ANKRD53: variants seen among roughly 807,000 people sequenced by gnomAD.
ANKRD53 encodes the protein ankyrin repeat domain-containing protein 53.
A neutral mutation model predicts 30.1 loss-of-function variants in ANKRD53; 27 were observed. That is an observed-to-expected ratio of 0.90 (90% CI 0.66 to 1.24). ANKRD53 has a LOEUF of 1.24. Among genes scored for constraint, ANKRD53 ranks in the 50% most tolerant of loss-of-function variants. The pLI, the probability that ANKRD53 is intolerant of heterozygous loss-of-function variation, is 0.00. For missense variants in ANKRD53, 682 were observed against 721.0 expected, an observed-to-expected ratio of 0.95 and a Z score of 0.62; for synonymous variants, 286 against 295.4, an observed-to-expected ratio of 0.97 and a Z score of 0.33.
Position 70,978,793 on chromosome 2 carries a change from G to A in ANKRD53, c.148G>A (p.Asp50Asn), listed in dbSNP as rs782777844. The change falls in exon 1 of 6, where the codon GAC becomes AAC. Residue 50 changes from aspartate (D) to asparagine (N), a missense_variant. Transcript: ENST00000360589. The surrounding 1 kb of genome is among the most constrained non-coding windows in gnomAD (Gnocchi z 4.3). ...NKVSLKATWTDAESKQPSQPL... is the reference protein window; with the variant it reads ...NKVSLKATWTNAESKQPSQPL... ...AGTCTCCTTGAAGGCCACCTGGACT[G>A]ACGCGGAGTCCAAGCAGCCCAGGTG... 36 of 1,571,170 alleles carry A rather than the reference G, an allele frequency of 2.3e-5. No homozygotes were observed. In the South Asian group the frequency reaches 4.2e-4, roughly 18 times the overall value.
chr2:70,985,162 G>T lies in ANKRD53; in HGVS notation c.1455G>T (p.Lys485Asn), dbSNP rs553757539. 4.5e-6 allele frequency: 7 copies of T among 1,551,264 alleles called. No individual in the cohort carries two copies. The African/African-American group carries it at 5.5e-5, about 12-fold the overall frequency. ...TCAGCATGAGGGAAGTGCCCAGGAA[G>T]CGGCACCTGGGTGACAACACCTTCT... is the stretch of plus-strand genomic sequence containing the variant. ...YPISMREVPRKRHLGDNTFWT... is the reference protein window; with the variant it reads ...YPISMREVPRNRHLGDNTFWT... Residue 485 changes from lysine (K) to asparagine (N), a missense_variant, in exon 6 of 6, where the codon AAG (lysine) becomes AAT (asparagine). Coordinates refer to ENST00000360589, the MANE Select transcript of ANKRD53 (RefSeq NM_001115116.2).
In ANKRD53 at chr2:70,982,781, G is replaced by A. The variant is rs915352448; in HGVS notation, c.903+84G>A. 5.0e-5 allele frequency: 77 copies of A among 1,552,094 alleles called. No individual in the cohort carries two copies. Among genetic ancestry groups the A allele is most frequent in the Admixed American group, 1.2e-4 (7 of 56,602 alleles). ...GGGCAGTGACCCACATATTGTGGAG[G>A]AGTGGCTAGAAGCACTCCCACCCTG... On this transcript the variant is annotated intron_variant, in intron 5 of 5. Transcript: ENST00000360589. The surrounding 1 kb of genome is among the most constrained non-coding windows in gnomAD (Gnocchi z 4.2).
rs1670035246 is a variant in ANKRD53 at position 70,982,252 on chromosome 2, A to T, written c.782+152A>T. Reference sequence around the variant, plus strand: ...CCTACTGCCCAGGATATTTTGGATGAGGCAATCACCTCATCACCTGGGCTT... The same window carrying T: ...CCTACTGCCCAGGATATTTTGGATGTGGCAATCACCTCATCACCTGGGCTT... On this transcript the variant is annotated intron_variant, in intron 4 of 5. Transcript: ENST00000360589. The surrounding 1 kb of genome is among the most constrained non-coding windows in gnomAD (Gnocchi z 4.2). 2 of 965,644 alleles carry T rather than the reference A, an allele frequency of 2.1e-6. No homozygotes were observed. Among genetic ancestry groups the T allele is most frequent in the African/African-American group, 3.3e-5 (2 of 60,264 alleles). 59.8% of individuals were successfully genotyped at this position (965,644 alleles called of 1,614,324 possible).
chr2:70,979,041 C>T, intron 1 of ANKRD53, 56 bp from the exon 2 acceptor site: 2 of 1,505,126 alleles, frequency 1.3e-6, no homozygotes, highest in Non-Finnish European at 1.8e-6. Flanking sequence ...GGATCGCCTC[C>T]CGAGAGGTGC....
At chr2:70,979,941 A>G in intron 3 of ANKRD53, 81 bp downstream of exon 3, 1 of 1,521,232 alleles carries the variant, frequency 6.6e-7, no homozygotes, top group Non-Finnish European at 9.0e-7. Context: ...AAATCCATGC[A>G]GGACAAGCAG....
chr2:70,981,995 G>T lies in ANKRD53; in HGVS notation c.677G>T (p.Cys226Phe). ...HLAARDGLLD[C>F]VKVLVQSGAN... Reference sequence around the variant, plus strand: ...GCAGCCCGTGACGGCTTGCTGGACTGTGTGAAGGTCCTGGTGCAGAGTGGC... The same window carrying T: ...GCAGCCCGTGACGGCTTGCTGGACTTTGTGAAGGTCCTGGTGCAGAGTGGC... Residue 226 changes from cysteine to phenylalanine, a missense_variant, in exon 4 of 6, where the codon TGT becomes TTT. Physicochemically the swap from Cys to Phe is radical, Grantham distance 205 (BLOSUM62 -2). Coordinates refer to ENST00000360589, the MANE Select transcript of ANKRD53 (RefSeq NM_001115116.2). The T allele has an allele frequency of 6.2e-7, 1 of 1,613,510 alleles. No individual in the cohort carries two copies. Among genetic ancestry groups the T allele is most frequent in the Admixed American group, 1.7e-5 (1 of 59,956 alleles).
chr2:70,982,283 T>TA lies in ANKRD53; in HGVS notation c.782+185dup. Reference sequence around the variant, plus strand: ...TCACCTCATCACCTGGGCTTGGGGGTAAGTCTGCCCAGGTCCCCTGCTCTC... The same window carrying TA: ...TCACCTCATCACCTGGGCTTGGGGGTAAAGTCTGCCCAGGTCCCCTGCTCTC... On this transcript the variant is annotated intron_variant, in intron 4 of 5. Coordinates refer to ENST00000360589, the MANE Select transcript of ANKRD53 (RefSeq NM_001115116.2). This position sits in a 1 kb window ranked among gnomAD's most constrained non-coding sequence, Gnocchi z 4.2. 1.2e-6 allele frequency: 1 copy of TA among 803,556 alleles called. No homozygotes were observed. The highest frequency in any genetic ancestry group is 2.0e-5 in the South Asian group (1 of 51,256). The allele number at this position is 803,556 out of a possible 1,614,324, so 49.8% of individuals were successfully genotyped here.
At chr2:70,979,449 TTTA>T (rs1157539023) in intron 2 of ANKRD53, 106 bp downstream of exon 2, 2 of 1,536,558 alleles carry the variant, frequency 1.3e-6, no homozygotes, top group Non-Finnish European at 1.8e-6. Flanking sequence ...ATCTTCCTAA[TTTA>T]ACTCATCTTC....
upstream of ANKRD53, chr2:70,978,532 G>T: frequency 7.8e-7 from 1 of 1,273,922 alleles, no homozygotes; most frequent in Non-Finnish European, 1.0e-6. The surrounding 1 kb of genome is among the most constrained non-coding windows in gnomAD (Gnocchi z 4.3). Context: ...AACCCTAGCG[G>T]CCTGGAAGGG....
At chr2:70,983,934 G>A (rs782365105) in intron 5 of ANKRD53, among the ~76,000 whole-genome samples, 4 of 152,154 alleles carry the variant, frequency 2.6e-5, no homozygotes, top group Non-Finnish European at 4.4e-5. Context: ...AGACAATGGC[G>A]GTGGGGGAGG....
intron 5 of ANKRD53, among the ~76,000 whole-genome samples, chr2:70,983,303 G>A (rs535139717): frequency 3.0e-4 from 46 of 152,272 alleles, no homozygotes; most frequent in African/African-American, 1.1e-3. Flanking sequence ...AAGAGCAGCC[G>A]CATGGAAAGG....
chr2:70,982,700 A>C lies in ANKRD53; in HGVS notation c.903+3A>C. The C allele has an allele frequency of 1.2e-6, 2 of 1,613,746 alleles. No homozygotes were observed. Among genetic ancestry groups the C allele is most frequent in the Non-Finnish European group, 1.7e-6 (2 of 1,179,798 alleles). ...ACAACTACCTGATTGAGTATCAAGT[A>C]AGGGGGACAGCAGGGGGGCCAGGGG... On this transcript the variant is annotated splice_donor_region_variant and intron_variant, in intron 5 of 5. Transcript: ENST00000360589. This position sits in a 1 kb window ranked among gnomAD's most constrained non-coding sequence, Gnocchi z 4.2.
chr2:70,979,445 C>G (rs1669934066), intron 2 of ANKRD53, 102 bp downstream of exon 2: 1 of 1,539,378 alleles, frequency 6.5e-7, no homozygotes, highest in African/African-American at 1.4e-5. Flanking sequence ...GTAGATCTTC[C>G]TAATTTAACT....
At position 70,979,298 on chromosome 2, in the gene ANKRD53, A is replaced by G; in HGVS notation, c.372A>G (p.Arg124=). ...AAAVGNVEWL[R]FCLNQSLREI... ...CTGTGGGCAACGTGGAATGGCTGCG[A>G]TTCTGTCTGAACCAGAGCCTCAGGG... The change falls in exon 2 of 6, where the codon CGA becomes CGG. Residue 124 remains arginine (R), a synonymous_variant. Transcript: ENST00000360589. The G allele has an allele frequency of 6.2e-7, 1 of 1,613,614 alleles. No individual in the cohort carries two copies. Among genetic ancestry groups the G allele is most frequent in the Non-Finnish European group, 8.5e-7 (1 of 1,180,040 alleles).
chr2:70,979,624 C>T (rs1553423152), intron 2 of ANKRD53, 37 bp from the exon 3 acceptor site: 1 of 1,593,980 alleles, frequency 6.3e-7, no homozygotes, highest in Admixed American at 1.7e-5. Flanking sequence ...GACCTCAGTC[C>T]CACTCAGCCT....
chr2:70,979,617 C>T (rs1553423150), intron 2 of ANKRD53, 44 bp from the exon 3 acceptor site: 5 of 1,566,716 alleles, frequency 3.2e-6, no homozygotes, highest in South Asian at 1.1e-5. Context: ...ACCCTGGGAC[C>T]TCAGTCCCAC....
At chr2:70,980,354 G>C (rs1000461676) in intron 3 of ANKRD53, among the ~76,000 whole-genome samples, 3 of 148,536 alleles carry the variant, frequency 2.0e-5, no homozygotes, top group Non-Finnish European at 4.4e-5. Context: ...GCCTTTAACA[G>C]ACCTAGTCTA....
chr2:70,980,413 C>T (rs1485016701), intron 3 of ANKRD53, among the ~76,000 whole-genome samples: 4 of 152,002 alleles, frequency 2.6e-5, no homozygotes, highest in Admixed American at 2.6e-4. Flanking sequence ...TTAGGCAAGT[C>T]ACTCAACCTC....
Position 70,978,720 on chromosome 2 carries a change from T to C in ANKRD53, c.75T>C (p.Gly25=), listed in dbSNP as rs782261549. Residue 25 remains glycine (G), a synonymous_variant, in exon 1 of 6, where the codon GGT becomes GGC. Transcript: ENST00000360589. This position sits in a 1 kb window ranked among gnomAD's most constrained non-coding sequence, Gnocchi z 4.3. ...SWHSERGEGR[G]ARPQPTPSGS... ...ACTCAGAAAGGGGAGAAGGGAGAGG[T>C]GCTCGGCCGCAGCCAACTCCAAGTG... 2 of 1,550,334 alleles carry C rather than the reference T, an allele frequency of 1.3e-6. No individual in the cohort carries two copies. The highest frequency in any genetic ancestry group is 1.4e-5 in the African/African-American group (1 of 72,812).
Sources: gnomAD v4.1 joint callset for allele counts (sites outside exome capture counted in the v4.1 genomes callset) on GRCh38, gnomAD v4.1.1 for gene constraint, Gnocchi (gnomAD v3.1) non-coding constraint, MANE v1.5 for transcripts, NCBI Gene and HGNC (gene_info 2026-07-23, HGNC 2026-07-21) for gene names.